Variants in RPS15A observed in about 807,000 individuals in gnomAD.
RPS15A encodes the protein ribosomal protein S15a.
For synonymous variants in RPS15A, 55 were observed against 58.5 expected, an observed-to-expected ratio of 0.94 and a Z score of 0.27; for missense variants, 62 against 163.4, an observed-to-expected ratio of 0.38 and a Z score of 3.38.
At chr16:18,784,542 G>T in intron 4 of RPS15A, 196 bp downstream of exon 4, 1 of 528,486 alleles carries the variant, frequency 1.9e-6, no homozygotes, top group South Asian at 2.4e-5. Flanking sequence ...CACTGTGCCT[G>T]GCCAACCCTG....
At chr16:18,788,694 G>C in intron 2 of RPS15A, 1 of 318,150 alleles carries the variant, frequency 3.1e-6, no homozygotes, top group South Asian at 9.6e-5. Flanking sequence ...TAGAGACGGG[G>C]TTTTGCCATG....
At position 18,789,041 on chromosome 16, in the gene RPS15A, C is replaced by T. The variant is rs2029960932; in HGVS notation, c.73G>A (p.Val25Met). 2.5e-6 allele frequency: 4 copies of T among 1,614,082 alleles called. No individual in the cohort carries two copies. The highest frequency in any genetic ancestry group is 1.1e-5 in the South Asian group (1 of 91,088). ...ACTTTGGAGCACGGCCTAATAAGCA[C>T]CTGGCGTTTGCCTCTCTTTTCGGCA... Reference protein sequence around the residue: ...NNAEKRGKRQVLIRPCSKVIV... With the variant: ...NNAEKRGKRQMLIRPCSKVIV... Residue 25 changes from valine to methionine, a missense_variant, in exon 2 of 5, where the codon GTG becomes ATG. Transcript: ENST00000322989.
At chr16:18,790,062 G>A (rs1366688525) in intron 1 of RPS15A, 182 bp downstream of exon 1, 2 of 152,432 alleles carry the variant, frequency 1.3e-5, no homozygotes, top group Non-Finnish European at 2.9e-5. Flanking sequence ...CGCCTAGCTG[G>A]GCAGTCGAAG....
chr16:18,790,265 G>T lies in RPS15A; in HGVS notation c.-27C>A. On this transcript the variant is annotated 5_prime_UTR_variant, in exon 1 of 5. Transcript: ENST00000322989. ...GAACCTTAGATTGCAGGATGGCGCC[G>T]ATGGCAGACGGATGAAATTGGAGCT... 1 of 152,460 alleles carries T rather than the reference G, an allele frequency of 6.6e-6. No homozygotes were observed. The allele number at this position is 152,460 out of a possible 1,614,324, so 9.4% of individuals were successfully genotyped here.
At chr16:18,785,670 G>A (rs1403709090) in intron 3 of RPS15A, 1 of 152,232 alleles carries the variant, frequency 6.6e-6, no homozygotes, top group African/African-American at 2.4e-5. Flanking sequence ...CTCTACGCCA[G>A]GAAGCCTGCT....
At chr16:18,785,026 G>A (rs993091327) in intron 3 of RPS15A, 1 of 505,336 alleles carries the variant, frequency 2.0e-6, no homozygotes, top group East Asian at 3.5e-5. Context: ...AGGAGAAAAA[G>A]CAAAGGCATG....
chr16:18,783,737 T>G (rs780279310), intron 4 of RPS15A: 1 of 455,742 alleles, frequency 2.2e-6, no homozygotes. Flanking sequence ...GATACACATT[T>G]ACTGTGTCAG....
At chr16:18,783,129 G>C in intron 4 of RPS15A, 27 bp from the exon 5 acceptor site, 1 of 1,489,322 alleles carries the variant, frequency 6.7e-7, no homozygotes. Context: ...GAAAGTGCTG[G>C]TAAGTTTAAT....
Position 18,782,264 on chromosome 16 carries a change from C to G in RPS15A, c.*745G>C, listed in dbSNP as rs1025830735. The G allele has an allele frequency of 9.0e-6, 1 of 111,368 alleles. No individual in the cohort carries two copies. The highest frequency in any genetic ancestry group is 3.3e-5 in the African/African-American group (1 of 30,602). 6.9% of individuals were successfully genotyped at this position (111,368 alleles called of 1,614,324 possible). ...TGAGCCAAGATCATGCCACTGCACT[C>G]CAGCCTGTGTGACAGAGCGACTTTG... On this transcript the variant is annotated 3_prime_UTR_variant, in exon 5 of 5. Coordinates refer to ENST00000322989, the MANE Select transcript of RPS15A (RefSeq NM_001019.5).
chr16:18,789,606 A>G (rs925161380), intron 1 of RPS15A, among the ~76,000 whole-genome samples: 6 of 152,202 alleles, frequency 3.9e-5, no homozygotes, highest in Admixed American at 3.3e-4. Flanking sequence ...TCTCACCTAC[A>G]ATGAACACAT....
Position 18,789,000 on chromosome 16 carries a change from G to A in RPS15A, c.114C>T (p.Leu38=), listed in dbSNP as rs764135318. ...RPCSKVIVRF[L]TVMMKHGYIG... ...ACTTACCATGCTTCATCATCACAGT[G>A]AGAAACCGGACGATGACTTTGGAGC... Residue 38 remains leucine (L), a synonymous_variant, in exon 2 of 5, where the codon CTC becomes CTT. Coordinates refer to ENST00000322989, the MANE Select transcript of RPS15A (RefSeq NM_001019.5). The A allele has an allele frequency of 7.4e-5, 119 of 1,613,214 alleles. No homozygotes were observed. Among genetic ancestry groups the A allele is most frequent in the Non-Finnish European group, 8.9e-5 (105 of 1,179,794 alleles).
At chr16:18,783,752 T>C (rs905587323) in intron 4 of RPS15A, 1 of 453,686 alleles carries the variant, frequency 2.2e-6, no homozygotes, top group Non-Finnish European at 4.4e-6. Flanking sequence ...TGTCAGCTCA[T>C]AAAGTGCTTT....
intron 2 of RPS15A, 141 bp from the exon 3 acceptor site, chr16:18,788,283 TG>T: frequency 1.6e-6 from 1 of 626,294 alleles, no homozygotes; most frequent in Non-Finnish European, 2.8e-6. Flanking sequence ...ACAGTTGCTC[TG>T]TATCAGAACT....
chr16:18,788,492 T>A (rs1268271473), intron 2 of RPS15A: 1 of 231,540 alleles, frequency 4.3e-6, no homozygotes, highest in African/African-American at 2.3e-5. Flanking sequence ...GTCCTTTCTT[T>A]CTTTTTTTTT....
intron 1 of RPS15A, 147 bp from the exon 2 acceptor site, chr16:18,789,265 C>G: frequency 1.4e-6 from 1 of 702,404 alleles, no homozygotes; most frequent in Non-Finnish European, 2.3e-6. Flanking sequence ...CTCCATTTCC[C>G]ACCACCCAGG....
rs955381969 is a variant in RPS15A, at chr16:18,782,831, A to G, written c.*178T>C. ...ACTGTTTCTTAGGCATACTGGTTTC[A>G]TAAGAACTTTTTCCCTTGGCTGTAT... On this transcript the variant is annotated 3_prime_UTR_variant, in exon 5 of 5. Transcript: ENST00000322989. 9.3e-6 allele frequency: 5 copies of G among 539,446 alleles called. No homozygotes were observed. Among genetic ancestry groups the G allele is most frequent in the Non-Finnish European group, 1.3e-5 (4 of 305,510 alleles). 33.4% of individuals were successfully genotyped at this position (539,446 alleles called of 1,614,324 possible).
chr16:18,789,158 G>A (rs1319102323), intron 1 of RPS15A, 40 bp from the exon 2 acceptor site: 2 of 1,580,702 alleles, frequency 1.3e-6, no homozygotes, highest in South Asian at 1.2e-5. Flanking sequence ...TACTGGCATT[G>A]CCAACATCAA....
At chr16:18,789,862 G>C (rs547787594) in intron 1 of RPS15A, 1 of 152,274 alleles carries the variant, frequency 6.6e-6, no homozygotes. Flanking sequence ...TTGGCACCCA[G>C]CAAACTGCCA....
intron 4 of RPS15A, chr16:18,784,510 T>C (rs1904016024): frequency 4.6e-6 from 2 of 434,124 alleles, no homozygotes; most frequent in Non-Finnish European, 8.1e-6. Context: ...CCTCCCAAAA[T>C]GCTAGGATCA....
Sources: allele counts gnomAD v4.1 joint callset (sites outside exome capture counted in the v4.1 genomes callset), GRCh38; gene constraint gnomAD v4.1.1; transcripts MANE v1.5; gene names NCBI Gene and HGNC (gene_info 2026-07-23, HGNC 2026-07-21).